The following PRKCQ variants were observed in gnomAD, a reference collection of about 807,000 sequenced individuals.
PRKCQ encodes protein kinase C theta type.
PRKCQ carries 41 observed loss-of-function variants against 91.2 expected under a neutral mutation model. The observed-to-expected ratio is 0.45, with a 90% CI of 0.35 to 0.58. The LOEUF is 0.58. Among genes scored for constraint, PRKCQ ranks in the 20% least tolerant of loss-of-function variants. The pLI is 0.00. For synonymous variants in PRKCQ, 307 were observed against 316.9 expected (o/e 0.97, Z 0.33); for missense variants, 673 against 896.5 (o/e 0.75, Z 3.18).
intron 8 of PRKCQ, among the ~76,000 whole-genome samples, chr10:6,487,959 C>T (rs629786): frequency 0.19 from 27,816 of 146,584 alleles, 2,715 homozygotes; most frequent in Middle Eastern, 0.33. Flanking sequence ...GAGCTGAGAT[C>T]GTGCCACTGT....
At chr10:6,557,356 A>G (rs780938321) in intron 1 of PRKCQ, among the ~76,000 whole-genome samples, 4 of 152,082 alleles carry the variant, frequency 2.6e-5, no homozygotes, top group Non-Finnish European at 5.9e-5. Flanking sequence ...TTTGTTCCAG[A>G]GACCTTTCTC....
chr10:6,555,114 C>G (rs1840357217), intron 1 of PRKCQ, among the ~76,000 whole-genome samples: 1 of 150,414 alleles, frequency 6.6e-6, no homozygotes, highest in South Asian at 2.1e-4. Flanking sequence ...ACGATAGATA[C>G]TGGGGACAAG....
intron 11 of PRKCQ, 48 bp from the exon 12 acceptor site, chr10:6,479,213 A>G (rs367964194): frequency 8.8e-6 from 14 of 1,595,550 alleles, no homozygotes; most frequent in Non-Finnish European, 1.2e-5. Context: ...TTGGATTCCC[A>G]TTTCTTAAAA....
chr10:6,417,597 T>C, the PRKCQ span, among the ~76,000 whole-genome samples: 1 of 152,236 alleles, frequency 6.6e-6, no homozygotes, highest in African/African-American at 2.4e-5. Context: ...CCATCCATGC[T>C]TGTCCTGGCA....
At chr10:6,566,844 C>T (rs1342232544) in intron 1 of PRKCQ, among the ~76,000 whole-genome samples, 1 of 152,032 alleles carries the variant, frequency 6.6e-6, no homozygotes, top group Non-Finnish European at 1.5e-5. Context: ...TCAGTCAGAT[C>T]CCCTAAAACT....
At chr10:6,529,353 T>TC (rs1839309428) in intron 1 of PRKCQ, among the ~76,000 whole-genome samples, 1 of 152,200 alleles carries the variant, frequency 6.6e-6, no homozygotes, top group African/African-American at 2.4e-5. Context: ...GACAACCTTC[T>TC]CTCTGACTCT....
the PRKCQ span, among the ~76,000 whole-genome samples, chr10:6,418,150 C>T: frequency 0.016 from 2,491 of 152,290 alleles, 49 homozygotes; most frequent in Middle Eastern, 0.051. Flanking sequence ...AAATTCATTA[C>T]GTGTTGCTGT....
At position 6,558,259 on chromosome 10, in the gene PRKCQ, G is replaced by C. The variant is rs368171553; in HGVS notation, c.-10+21952C>G. On this transcript the variant is annotated intron_variant, in intron 1 of 17. Transcript: ENST00000263125. ...ATTAAACAAGGCATTTTAAAAAGAT[G>C]TTTTGGTTTCTTAAAATGGATCCTT... 5.5e-4 allele frequency among the ~76,000 whole-genome samples: 84 copies of C among 152,270 alleles called. 2 individuals are homozygous for C. The South Asian group carries it at 0.017, about 31-fold the overall frequency.
At position 6,478,986 on chromosome 10, in the gene PRKCQ, C is replaced by T. The variant is rs553834181; in HGVS notation, c.1353+6G>A. 542 of 1,613,846 alleles carry T rather than the reference C, an allele frequency of 3.4e-4. 5 individuals carry two copies. In the South Asian group the frequency reaches 5.7e-3, roughly 17 times the overall value. ...GGAGGTAGGGTTGTCGGAGCAGAAG[C>T]CATACCTTGGTCTGGAATGTACAAA... On this transcript the variant is annotated splice_donor_region_variant and intron_variant, in intron 12 of 17. Transcript: ENST00000263125.
At chr10:6,578,343 A>G (rs1297895899) in intron 1 of PRKCQ, among the ~76,000 whole-genome samples, 2 of 152,248 alleles carry the variant, frequency 1.3e-5, no homozygotes, top group Non-Finnish European at 2.9e-5. Context: ...CCACAGCACA[A>G]GACAGTAGCG....
chr10:6,489,458 G>A, intron 8 of PRKCQ: 1 of 531,844 alleles, frequency 1.9e-6, no homozygotes, highest in Admixed American at 1.9e-5. Context: ...CTATTTTCTT[G>A]GGAATTATTG....
chr10:6,446,855 A>C (rs1433547484), intron 15 of PRKCQ, among the ~76,000 whole-genome samples: 1 of 152,214 alleles, frequency 6.6e-6, no homozygotes, highest in Non-Finnish European at 1.5e-5. Context: ...GCAGCGAGAG[A>C]GGAACAGTGG....
intron 16 of PRKCQ, among the ~76,000 whole-genome samples, chr10:6,440,084 C>T (rs1484307397): frequency 4.6e-5 from 7 of 152,310 alleles, no homozygotes; most frequent in South Asian, 2.1e-4. Context: ...TCCCCCTTCC[C>T]GCTTGGCTCT....
At chr10:6,464,467 C>T (rs1835528418) in intron 12 of PRKCQ, 63 bp from the exon 13 acceptor site, 1 of 1,413,418 alleles carries the variant, frequency 7.1e-7, no homozygotes, top group East Asian at 2.3e-5. Flanking sequence ...TTATTTTGTC[C>T]AAGACAGGGT....
intron 4 of PRKCQ, among the ~76,000 whole-genome samples, chr10:6,499,126 C>T (rs918178043): frequency 2.0e-5 from 3 of 152,068 alleles, no homozygotes; most frequent in African/African-American, 7.2e-5. Context: ...TGTCCTGGTT[C>T]CTGATGTCCA....
chr10:6,560,779 T>A (rs1840598126), intron 1 of PRKCQ, among the ~76,000 whole-genome samples: 1 of 152,112 alleles, frequency 6.6e-6, no homozygotes, highest in African/African-American at 2.4e-5. Context: ...GTGTCTCATG[T>A]CTGTAATCCC....
At chr10:6,405,506 T>G in the PRKCQ span, among the ~76,000 whole-genome samples, 1 of 152,214 alleles carries the variant, frequency 6.6e-6, no homozygotes, top group Non-Finnish European at 1.5e-5. Flanking sequence ...CTTACGTGTT[T>G]ATTACCCAGT....
chr10:6,440,998 A>G (rs1237193098), intron 16 of PRKCQ, among the ~76,000 whole-genome samples: 1 of 152,158 alleles, frequency 6.6e-6, no homozygotes, highest in Non-Finnish European at 1.5e-5. Context: ...AAAAGAAAAA[A>G]GTTATGTGAT....
chr10:6,480,164 C>T (rs1035563718), intron 11 of PRKCQ, among the ~76,000 whole-genome samples: 7 of 152,130 alleles, frequency 4.6e-5, no homozygotes, highest in Non-Finnish European at 8.8e-5. Flanking sequence ...TATCAAAGGA[C>T]ACCAAAATGG....
Sources: allele counts gnomAD v4.1 joint callset (sites outside exome capture counted in the v4.1 genomes callset), GRCh38; gene constraint gnomAD v4.1.1; transcripts MANE v1.5; gene names NCBI Gene and HGNC (gene_info 2026-07-23, HGNC 2026-07-21).